The following FAN1 variants were observed in gnomAD, a reference collection of about 807,000 sequenced individuals.
FAN1 encodes the protein FANCD2 and FANCI associated nuclease 1, also known as fanconi-associated nuclease 1.
A neutral mutation model predicts 104.9 loss-of-function variants in FAN1; 91 were observed. That is an observed-to-expected ratio of 0.87 (90% CI 0.73 to 1.03). The LOEUF (loss-of-function observed/expected upper bound fraction) is 1.03. Ranked by LOEUF, FAN1 falls within the 50% of genes least tolerant of loss-of-function variation. The pLI, the probability that FAN1 is intolerant of heterozygous loss-of-function variation, is 0.00. For synonymous variants in FAN1, 478 were observed against 457.6 expected (o/e 1.04, Z -0.57); for missense variants, 1,263 against 1,239.9 (o/e 1.02, Z -0.28).
chr15:30,934,573 G>A (rs2062802027), intron 13 of FAN1, among the ~76,000 whole-genome samples: 1 of 152,080 alleles, frequency 6.6e-6, no homozygotes, highest in African/African-American at 2.4e-5. Context: ...TAGAGATGGG[G>A]TTCCACCATG....
At chr15:30,926,690 A>T in intron 10 of FAN1, 1 of 985,410 alleles carries the variant, frequency 1.0e-6, no homozygotes, top group Non-Finnish European at 1.2e-6. Flanking sequence ...TTAGAAATAG[A>T]AGAATAGAAT....
At chr15:30,919,707 AAAG>A (rs1478335335) in intron 6 of FAN1, among the ~76,000 whole-genome samples, 6 of 151,508 alleles carry the variant, frequency 4.0e-5, no homozygotes, top group Non-Finnish European at 7.4e-5. Flanking sequence ...AAAAAAAAAA[AAAG>A]AAAATCATAA....
intron 14 of FAN1, chr15:30,939,564 C>T (rs1021497085): frequency 1.7e-5 from 16 of 960,554 alleles, no homozygotes; most frequent in Admixed American, 6.2e-5. Flanking sequence ...GATTATCATA[C>T]AAAAATATGC....
chr15:30,923,617 C>A (rs937921868), intron 8 of FAN1, among the ~76,000 whole-genome samples: 6 of 152,298 alleles, frequency 3.9e-5, no homozygotes, highest in South Asian at 2.1e-4. Flanking sequence ...TGCAGCCAGC[C>A]CCGGCCTGGC....
At position 30,928,619 on chromosome 15, in the gene FAN1, T is replaced by C. The variant is rs756918589; in HGVS notation, c.2555T>C (p.Met852Thr). 3.1e-6 allele frequency: 5 copies of C among 1,613,484 alleles called. No homozygotes were observed. The Admixed American group carries it at 6.7e-5, about 22-fold the overall frequency. ...YGLLLWDIIF[M>T]DGIPDVFRNA... The stretch of plus-strand genomic sequence containing the variant: ...CTCCTCCTGTGGGACATCATCTTCA[T>C]GGATGGGATTCCGGATGTCTTCAGA... The change falls in exon 11 of 15, where the codon ATG becomes ACG. Residue 852 changes from methionine to threonine, a missense_variant. Coordinates refer to ENST00000362065, the MANE Select transcript of FAN1 (RefSeq NM_014967.5).
In FAN1 at chr15:30,943,029, C is replaced by T. The variant is rs550427691; in HGVS notation, c.*1467C>T. The T allele has an allele frequency of 2.6e-6, 4 of 1,548,594 alleles. No homozygotes were observed. In the African/African-American group the frequency reaches 4.1e-5, roughly 16 times the overall value. On this transcript the variant is annotated 3_prime_UTR_variant, in exon 15 of 15. Transcript: ENST00000362065. ...GTCCCAAACAGAGGGGAATTTTAAG[C>T]CCTTCTCATCACCCAATTGGATGTT...
chr15:30,940,439 A>G (rs1206235475), intron 14 of FAN1: 2 of 985,324 alleles, frequency 2.0e-6, no homozygotes, highest in African/African-American at 3.5e-5. Context: ...CCTAAGCATT[A>G]GGAACTATGA....
intron 5 of FAN1, among the ~76,000 whole-genome samples, chr15:30,914,750 CT>C (rs1203506343): frequency 6.6e-6 from 1 of 152,136 alleles, no homozygotes; most frequent in Non-Finnish European, 1.5e-5. Context: ...TGAATATTTT[CT>C]TATTAGTAAC....
At chr15:30,937,064 A>G in intron 13 of FAN1, 55 bp from the exon 14 acceptor site, 1 of 1,473,936 alleles carries the variant, frequency 6.8e-7, no homozygotes, top group Non-Finnish European at 9.3e-7. Flanking sequence ...ACTTACTTGA[A>G]TGGCTTTTCA....
chr15:30,923,608 G>A (rs1232464245), intron 8 of FAN1, among the ~76,000 whole-genome samples: 1 of 152,146 alleles, frequency 6.6e-6, no homozygotes, highest in African/African-American at 2.4e-5. Context: ...AAAGTGCTCT[G>A]CAGCCAGCCC....
At chr15:30,910,362 T>TATG (rs2062071635) in intron 3 of FAN1, among the ~76,000 whole-genome samples, 1 of 152,250 alleles carries the variant, frequency 6.6e-6, no homozygotes. Context: ...TATCCATGTG[T>TATG]GTCTTTATTT....
chr15:30,917,131 C>A (rs1423231049), intron 5 of FAN1, among the ~76,000 whole-genome samples: 1 of 152,128 alleles, frequency 6.6e-6, no homozygotes, highest in African/African-American at 2.4e-5. Flanking sequence ...GCAGTAAAGA[C>A]AAGACTTGAT....
rs182791905 is a variant in FAN1 at position 30,935,846 on chromosome 15, T to C, written c.2917-1273T>C. Among the ~76,000 whole-genome samples the C allele has an allele frequency of 3.3e-5, 5 of 152,334 alleles. No individual in the cohort carries two copies. The South Asian group carries it at 6.2e-4, about 19-fold the overall frequency. ...TTTCCAATCAGAGAATCTTTTTTTT[T>C]CCTCTGGCTTTAAAAATTCTGGCTG... On this transcript the variant is annotated intron_variant, in intron 13 of 14. Coordinates refer to ENST00000362065, the MANE Select transcript of FAN1 (RefSeq NM_014967.5).
chr15:30,908,054 T>A, intron 2 of FAN1, 64 bp from the exon 3 acceptor site: 1 of 1,375,128 alleles, frequency 7.3e-7, no homozygotes, highest in South Asian at 1.5e-5. Context: ...ATCGTACATT[T>A]ATTCACCTTA....
intron 5 of FAN1, 140 bp downstream of exon 5, chr15:30,914,231 T>C (rs2062156165): frequency 3.2e-6 from 2 of 630,862 alleles, no homozygotes; most frequent in African/African-American, 1.8e-5. Context: ...GCCCCACTTG[T>C]ATACATTTCT....
chr15:30,938,390 T>C (rs1020683930), intron 14 of FAN1, among the ~76,000 whole-genome samples: 1 of 152,198 alleles, frequency 6.6e-6, no homozygotes, highest in Admixed American at 6.5e-5. Context: ...GTTGTGTTGA[T>C]TTATAACATG....
intron 4 of FAN1, 148 bp downstream of exon 4, chr15:30,910,963 C>G (rs1358131865): frequency 1.6e-5 from 22 of 1,352,970 alleles, no homozygotes; most frequent in Non-Finnish European, 2.1e-5. Context: ...ATTGCAATAG[C>G]CTGGATTCTT....
intron 3 of FAN1, among the ~76,000 whole-genome samples, chr15:30,909,392 G>A (rs1171739371): frequency 6.6e-6 from 1 of 152,180 alleles, no homozygotes; most frequent in East Asian, 1.9e-4. Context: ...TTAGTGGTGG[G>A]ACACAGGACC....
At chr15:30,933,491 T>G (rs934261550) in intron 13 of FAN1, among the ~76,000 whole-genome samples, 1 of 152,236 alleles carries the variant, frequency 6.6e-6, no homozygotes, top group African/African-American at 2.4e-5. Context: ...GGACATATTT[T>G]GTATGATTTG....
Sources: allele counts gnomAD v4.1 joint callset (sites outside exome capture counted in the v4.1 genomes callset), GRCh38; gene constraint gnomAD v4.1.1; transcripts MANE v1.5; gene names NCBI Gene and HGNC (gene_info 2026-07-23, HGNC 2026-07-21).